RNF213: variants seen among roughly 807,000 people sequenced by gnomAD.
RNF213 encodes ring finger protein 213.
Under a neutral mutation model 514.4 loss-of-function variants are expected in RNF213, and 341 were observed. The ratio of observed to expected loss-of-function variants is 0.66; its 90% CI spans 0.61 to 0.73. The LOEUF (loss-of-function observed/expected upper bound fraction) is 0.73. Ranked by LOEUF, RNF213 falls within the 30% of genes least tolerant of loss-of-function variation. RNF213 has a pLI of 0.00. For synonymous variants in RNF213, 2,655 were observed against 2,658.2 expected, an observed-to-expected ratio of 1.00 and a Z score of 0.04; for missense variants, 5,767 against 6,615.6, an observed-to-expected ratio of 0.87 and a Z score of 4.45.
chr17:80,266,207 C>T (rs769243255), intron 2 of RNF213, among the ~76,000 whole-genome samples: 4 of 150,294 alleles, frequency 2.7e-5, no homozygotes, highest in Non-Finnish European at 5.9e-5. Flanking sequence ...TTTGGGAGGC[C>T]GAGGTGAGTA....
chr17:80,374,794 A>T, intron 50 of RNF213: 1 of 590,214 alleles, frequency 1.7e-6, no homozygotes, highest in East Asian at 3.1e-5. Context: ...GACAGCTATG[A>T]CAGTTGAGCT....
At chr17:80,308,414 C>A (rs1180957895) in intron 13 of RNF213, among the ~76,000 whole-genome samples, 1 of 151,952 alleles carries the variant, frequency 6.6e-6, no homozygotes, top group Non-Finnish European at 1.5e-5. Context: ...TGAGTCCCCT[C>A]CTGAGTCCCT....
At chr17:80,388,540 T>G in intron 63 of RNF213, 72 bp from the exon 64 acceptor site, 3 of 1,050,416 alleles carry the variant, frequency 2.9e-6, no homozygotes, top group Non-Finnish European at 4.4e-6. Context: ...CGGCTGCAGA[T>G]TCTGTTTGTC....
At chr17:80,370,474 T>A (rs1242111718) in intron 46 of RNF213, among the ~76,000 whole-genome samples, 4 of 152,230 alleles carry the variant, frequency 2.6e-5, no homozygotes, top group African/African-American at 9.6e-5. Context: ...ATACTTATGA[T>A]GATGTTACAA....
Position 80,339,391 on chromosome 17 carries a change from C to G in RNF213, c.5024C>G (p.Ala1675Gly). The change falls in exon 26 of 68, where the codon GCC (alanine) becomes GGC (glycine). Residue 1675 changes from alanine (A) to glycine (G), a missense_variant. By Grantham distance (60) the Ala-to-Gly change is moderately conservative. Coordinates refer to ENST00000582970, the MANE Select transcript of RNF213 (RefSeq NM_001256071.3). ...EGGDVTELLA[A>G]LCRQMEHFLD... The stretch of plus-strand genomic sequence containing the variant: ...GGAGATGTCACTGAGCTGCTGGCAG[C>G]CCTCTGCAGGCAGATGGAGCACTTC... The G allele has an allele frequency of 6.5e-7, 1 of 1,537,250 alleles. No individual in the cohort carries two copies. The highest frequency in any genetic ancestry group is 1.2e-5 in the South Asian group (1 of 84,062).
At position 80,354,129 on chromosome 17, in the gene RNF213, C is replaced by T. The variant is rs1438556280; in HGVS notation, c.10689C>T (p.Leu3563=). ...CGCGCAATATGCGGAGGGTGGTGCT[C>T]CTCCTGGGCCTCTTGAATGAGGATG... ...SCTRNMRRVV[L]LLGLLNEDDA... Residue 3563 remains leucine, a synonymous_variant, in exon 35 of 68, where the codon CTC becomes CTT. Transcript: ENST00000582970. 6.2e-7 allele frequency: 1 copy of T among 1,614,052 alleles called. No individual in the cohort carries two copies. Among genetic ancestry groups the T allele is most frequent in the African/African-American group, 1.3e-5 (1 of 75,044 alleles).
At chr17:80,297,734 C>T (rs1483853244) in intron 10 of RNF213, among the ~76,000 whole-genome samples, 1 of 150,450 alleles carries the variant, frequency 6.6e-6, no homozygotes, top group African/African-American at 2.4e-5. Flanking sequence ...TTGCAGTGAG[C>T]CAAGATCGTG....
At position 80,358,479 on chromosome 17, in the gene RNF213, G is replaced by A; in HGVS notation, c.11054G>A (p.Arg3685Lys). The change falls in exon 37 of 68, where the codon AGA becomes AAA. Residue 3685 changes from arginine to lysine, a missense_variant and splice_region_variant. By Grantham distance (26) the Arg-to-Lys change is conservative (BLOSUM62 2). Transcript: ENST00000582970. ...ATTCCTCTTGTGATGAATAATGAAAGGTGAGTGGAAGGCTTTCTTTCCCTG... is the reference window on the plus strand; with the variant it reads ...ATTCCTCTTGTGATGAATAATGAAAAGTGAGTGGAAGGCTTTCTTTCCCTG... The part of the protein sequence containing the change: ...LNIPLVMNNE[R>K]HKGEMAYIVV... 2 of 1,613,252 alleles carry A rather than the reference G, an allele frequency of 1.2e-6. No individual in the cohort carries two copies. Among genetic ancestry groups the A allele is most frequent in the Non-Finnish European group, 8.5e-7 (1 of 1,179,328 alleles).
At chr17:80,271,125 AGGTTGGTGGGAGGG>A (rs2043807616) in intron 2 of RNF213, among the ~76,000 whole-genome samples, 2 of 95,974 alleles carry the variant, frequency 2.1e-5, no homozygotes, top group African/African-American at 9.0e-5. Flanking sequence ...GTGGGAGGGT[AGGTTGGTGGGAGGG>A]GCAGGCTCAG....
Position 80,319,222 on chromosome 17 carries a change from C to T in RNF213, c.2934C>T (p.Cys978=). 6.2e-7 allele frequency: 1 copy of T among 1,614,178 alleles called. No individual in the cohort carries two copies. Among genetic ancestry groups the T allele is most frequent in the South Asian group, 1.1e-5 (1 of 91,078 alleles). ...CCCTCTCCCAGATCACTGCCTACTG[C>T]AATAGTTGCTGGGACACCAAAGGCT... is the stretch of plus-strand genomic sequence containing the variant. ...EEPLSQITAY[C]NSCWDTKGLE... Residue 978 remains cysteine, a synonymous_variant, in exon 17 of 68, where the codon TGC becomes TGT. Coordinates refer to ENST00000582970, the MANE Select transcript of RNF213 (RefSeq NM_001256071.3).
intron 35 of RNF213, 114 bp downstream of exon 35, chr17:80,354,280 G>GA: frequency 6.7e-7 from 1 of 1,501,672 alleles, no homozygotes; most frequent in Non-Finnish European, 9.2e-7. Context: ...TGGCTCAGCA[G>GA]AAGCAGTGAC....
chr17:80,352,776 G>A (rs1259345402), intron 32 of RNF213, 164 bp from the exon 33 acceptor site: 2 of 1,001,160 alleles, frequency 2.0e-6, no homozygotes, highest in Non-Finnish European at 3.1e-6. Flanking sequence ...TATCGGGTTG[G>A]GTGGTTTCTG....
chr17:80,381,718 T>A lies in RNF213; in HGVS notation c.13969T>A (p.Ser4657Thr). ...RRLLQEQHQL[S>T]SRRLLNFDTE... ...GCTTCTCCAAGAGCAGCACCAGCTC[T>A]CTAGCAGAAGTGAGGAAAGGGGCAA... The change falls in exon 57 of 68, where the codon TCT (serine) becomes ACT (threonine). Residue 4657 changes from serine (S) to threonine (T), a missense_variant. This residue lies in a region of RNF213 where 1,245 missense variants were observed against 1,339.0 expected (regional missense o/e 0.93). Coordinates refer to ENST00000582970, the MANE Select transcript of RNF213 (RefSeq NM_001256071.3). 1 of 1,613,540 alleles carries A rather than the reference T, an allele frequency of 6.2e-7. No individual in the cohort carries two copies. The highest frequency in any genetic ancestry group is 8.5e-7 in the Non-Finnish European group (1 of 1,179,940).
chr17:80,371,667 G>C, intron 46 of RNF213: 1 of 475,806 alleles, frequency 2.1e-6, no homozygotes, highest in East Asian at 3.7e-5. Context: ...CAAAGTTTGA[G>C]GACAGCTGGT....
At chr17:80,356,546 T>C (rs2078830356) in intron 36 of RNF213, among the ~76,000 whole-genome samples, 1 of 152,238 alleles carries the variant, frequency 6.6e-6, no homozygotes, top group Non-Finnish European at 1.5e-5. Context: ...TTCTGGGGAC[T>C]GGAGTCCTTT....
intron 26 of RNF213, 156 bp downstream of exon 26, chr17:80,340,512 C>T (rs1216285357): frequency 2.2e-5 from 15 of 696,510 alleles, no homozygotes; most frequent in Non-Finnish European, 3.6e-5. Flanking sequence ...TGTGCCAGAA[C>T]CAGGCACCCT....
intron 37 of RNF213, among the ~76,000 whole-genome samples, chr17:80,359,321 T>C (rs919050526): frequency 6.6e-6 from 1 of 150,942 alleles, no homozygotes; most frequent in South Asian, 2.1e-4. Flanking sequence ...AACCCAGGGG[T>C]TGAAGACCAG....
rs1284082403 is a variant in RNF213 at position 80,280,954 on chromosome 17, C to T, written c.262-6861C>T. 2.0e-5 allele frequency among the ~76,000 whole-genome samples: 3 copies of T among 151,972 alleles called. No homozygotes were observed. In the East Asian group the frequency reaches 5.8e-4, roughly 29 times the overall value. ...GATGTGAGCTGGAGTTAGGGCACTGCATATGCGGACCGGAGCGTGTTGGTC... is the reference window on the plus strand; with the variant it reads ...GATGTGAGCTGGAGTTAGGGCACTGTATATGCGGACCGGAGCGTGTTGGTC... On this transcript the variant is annotated intron_variant, in intron 3 of 67. Coordinates refer to ENST00000582970, the MANE Select transcript of RNF213 (RefSeq NM_001256071.3).
In RNF213 at chr17:80,383,027, A is replaced by G. The variant is rs552004252; in HGVS notation, c.14027A>G (p.Asn4676Ser). Residue 4676 changes from asparagine (N) to serine (S), a missense_variant, in exon 58 of 68, where the codon AAC becomes AGC. Physicochemically the swap from Asn to Ser is conservative, Grantham distance 46. This residue lies in a region of RNF213 where 1,245 missense variants were observed against 1,339.0 expected (regional missense o/e 0.93). Transcript: ENST00000582970. ...TTGTCAACTAAAGAAATGAGGAACA[A>G]CTGGGAAAAGGAAATCGCAGCTGTG... ...TELSTKEMRNNWEKEIAAVIS... is the reference protein window; with the variant it reads ...TELSTKEMRNSWEKEIAAVIS... 2.1e-4 allele frequency: 342 copies of G among 1,614,100 alleles called. 2 individuals carry two copies. In the South Asian group the frequency reaches 3.5e-3, roughly 17 times the overall value.
Sources: allele counts gnomAD v4.1 joint callset (sites outside exome capture counted in the v4.1 genomes callset), GRCh38; gene constraint gnomAD v4.1.1; regional missense constraint gnomAD v4.1.1; transcripts MANE v1.5; gene names NCBI Gene and HGNC (gene_info 2026-07-23, HGNC 2026-07-21).